Variants in MLF1 observed in about 807,000 individuals in gnomAD.
MLF1 encodes myeloid leukemia factor 1, also known as myelodysplasia-myeloid leukemia factor 1.
A neutral mutation model predicts 38.3 loss-of-function variants in MLF1; 37 were observed. The ratio of observed to expected loss-of-function variants is 0.96; its 90% CI spans 0.74 to 1.27. The LOEUF (loss-of-function observed/expected upper bound fraction) is 1.27. Among genes scored for constraint, MLF1 ranks in the 50% most tolerant of loss-of-function variants. The pLI, the probability that MLF1 is intolerant of heterozygous loss-of-function variation, is 0.00. For missense variants in MLF1, 331 were observed against 349.2 expected (o/e 0.95, Z 0.42); for synonymous variants, 95 against 106.5 (o/e 0.89, Z 0.66).
In MLF1 at chr3:158,593,419, G is replaced by A; in HGVS notation, c.233G>A (p.Gly78Asp). The stretch of plus-strand genomic sequence containing the variant: ...TCTCTTGTGCCTTTTGGCGATTTTG[G>A]TGGTATGGTTCGTATCTTAAGACAC... ...SCSLVPFGDFGGMHTDVSSFQ... is the reference protein window; with the variant it reads ...SCSLVPFGDFDGMHTDVSSFQ... The change falls in exon 3 of 8, where the codon GGT (glycine) becomes GAT (aspartate). Residue 78 changes from glycine to aspartate, a missense_variant. Transcript: ENST00000466246. 5 of 1,561,796 alleles carry A rather than the reference G, an allele frequency of 3.2e-6. No individual in the cohort carries two copies. Among genetic ancestry groups the A allele is most frequent in the Non-Finnish European group, 4.3e-6 (5 of 1,160,042 alleles).
In MLF1 at chr3:158,596,918, C is replaced by G. The variant is rs1174980551; in HGVS notation, c.297C>G (p.Asn99Lys). The change falls in exon 4 of 8, where the codon AAC (asparagine) becomes AAG (lysine). Residue 99 changes from asparagine (N) to lysine (K), a missense_variant. Coordinates refer to ENST00000466246, the MANE Select transcript of MLF1 (RefSeq NM_001369783.1). ...ACCAAATGGTGTCAAATATGAGAAA[C>G]TATATGCAGAAATTAGAAAGAAACT... ...TMDQMVSNMR[N>K]YMQKLERNFG... The G allele has an allele frequency of 4.4e-6, 7 of 1,608,208 alleles. No homozygotes were observed. The highest frequency in any genetic ancestry group is 6.0e-6 in the Non-Finnish European group (7 of 1,176,274).
At chr3:158,571,594 G>A (rs1301919849) in intron 1 of MLF1, among the ~76,000 whole-genome samples, 1 of 133,188 alleles carries the variant, frequency 7.5e-6, no homozygotes, top group Non-Finnish European at 1.6e-5. Context: ...GACGCGTGAG[G>A]TAGGCGGAGG....
chr3:158,589,170 A>G (rs557104551), intron 1 of MLF1, among the ~76,000 whole-genome samples: 2 of 152,290 alleles, frequency 1.3e-5, no homozygotes, highest in African/African-American at 4.8e-5. Flanking sequence ...TTCAAATTCC[A>G]TAAACATTAT....
intron 1 of MLF1, among the ~76,000 whole-genome samples, chr3:158,584,631 G>T (rs1167921944): frequency 3.3e-5 from 5 of 151,468 alleles, no homozygotes; most frequent in African/African-American, 9.7e-5. Flanking sequence ...TGCAAGGAAT[G>T]AAAGGATATT....
At chr3:158,599,534 A>T (rs1280655376) in intron 5 of MLF1, among the ~76,000 whole-genome samples, 1 of 152,210 alleles carries the variant, frequency 6.6e-6, no homozygotes, top group African/African-American at 2.4e-5. Context: ...TTAAATGTAA[A>T]CAGAATATAA....
intron 6 of MLF1, among the ~76,000 whole-genome samples, chr3:158,601,854 G>A (rs1236537138): frequency 7.5e-6 from 1 of 132,740 alleles, no homozygotes; most frequent in Non-Finnish European, 1.5e-5. Flanking sequence ...TGTTGTCCAG[G>A]CTGGAGTGCA....
chr3:158,578,642 A>T (rs377192781), intron 1 of MLF1, among the ~76,000 whole-genome samples: 2 of 152,114 alleles, frequency 1.3e-5, no homozygotes. Context: ...GCCTTGTGAT[A>T]TATGCTGAAG....
chr3:158,592,396 A>G (rs1428368778), intron 1 of MLF1, 38 bp from the exon 2 acceptor site: 1 of 1,562,864 alleles, frequency 6.4e-7, no homozygotes, highest in East Asian at 2.3e-5. Flanking sequence ...TTTAAACTCC[A>G]ACACTGAATC....
intron 1 of MLF1, among the ~76,000 whole-genome samples, chr3:158,586,024 C>T (rs997377854): frequency 6.6e-6 from 1 of 151,904 alleles, no homozygotes; most frequent in Non-Finnish European, 1.5e-5. Flanking sequence ...ATTTGTATGG[C>T]ATAGTGGCAG....
intron 6 of MLF1, among the ~76,000 whole-genome samples, chr3:158,600,511 AT>A (rs1719591040): frequency 6.7e-6 from 1 of 149,016 alleles, no homozygotes; most frequent in African/African-American, 2.5e-5. Context: ...AAAGACAAAA[AT>A]AATCCATAAT....
intron 1 of MLF1, among the ~76,000 whole-genome samples, chr3:158,583,141 A>T (rs1432884306): frequency 1.3e-5 from 2 of 152,208 alleles, no homozygotes; most frequent in African/African-American, 4.8e-5. Context: ...TTGTGTTGCT[A>T]ATTTAAAGCA....
At position 158,588,785 on chromosome 3, in the gene MLF1, A is replaced by G. The variant is rs900329611; in HGVS notation, c.48-3649A>G. ...GCAAAATTTTGAGACCACATTCAGG[A>G]TGGCCTCAATTAAGACATAAGCTTC... On this transcript the variant is annotated intron_variant, in intron 1 of 7. Transcript: ENST00000466246. 3.2e-5 allele frequency: 14 copies of G among 434,792 alleles called. No homozygotes were observed. In the Admixed American group the frequency reaches 3.5e-4, roughly 11 times the overall value. The allele number at this position is 434,792 out of a possible 1,614,324, so 26.9% of individuals were successfully genotyped here.
intron 3 of MLF1, 85 bp downstream of exon 3, chr3:158,593,511 A>G (rs1262767725): frequency 3.7e-6 from 4 of 1,069,116 alleles, no homozygotes; most frequent in Admixed American, 2.3e-5. Flanking sequence ...CTGAATTGGC[A>G]TGCAGCCTCA....
At chr3:158,580,587 T>A (rs1456089093) in intron 1 of MLF1, among the ~76,000 whole-genome samples, 2 of 152,082 alleles carry the variant, frequency 1.3e-5, no homozygotes, top group African/African-American at 4.8e-5. Context: ...TTTTAACAGG[T>A]AGGAAATCTA....
chr3:158,595,382 C>G, intron 3 of MLF1, among the ~76,000 whole-genome samples: 1 of 152,156 alleles, frequency 6.6e-6, no homozygotes, highest in Non-Finnish European at 1.5e-5. Context: ...CTTTTTGTCA[C>G]TCCAGTGTGT....
intron 1 of MLF1, among the ~76,000 whole-genome samples, chr3:158,588,101 A>G (rs1717524870): frequency 6.6e-6 from 1 of 152,240 alleles, no homozygotes; most frequent in Admixed American, 6.5e-5. Flanking sequence ...CATGATGTAA[A>G]GCAGCACTGT....
At chr3:158,587,112 C>T (rs949747962) in intron 1 of MLF1, among the ~76,000 whole-genome samples, 1 of 152,176 alleles carries the variant, frequency 6.6e-6, no homozygotes, top group Non-Finnish European at 1.5e-5. Context: ...TGCTAAAATG[C>T]AGATTAATGG....
chr3:158,582,127 C>T (rs1161518591), intron 1 of MLF1, among the ~76,000 whole-genome samples: 1 of 151,966 alleles, frequency 6.6e-6, no homozygotes, highest in Non-Finnish European at 1.5e-5. Flanking sequence ...TTGCAGTGAG[C>T]TGAGATCGTG....
intron 5 of MLF1, 51 bp from the exon 6 acceptor site, chr3:158,599,963 T>C (rs567491093): frequency 4.1e-4 from 363 of 890,826 alleles, no homozygotes; most frequent in Non-Finnish European, 5.0e-4. Context: ...GGCCCTGAGA[T>C]ATACATTCTA....
Sources: gnomAD v4.1 joint callset for allele counts (sites outside exome capture counted in the v4.1 genomes callset) on GRCh38, gnomAD v4.1.1 for gene constraint, MANE v1.5 for transcripts, NCBI Gene and HGNC (gene_info 2026-07-23, HGNC 2026-07-21) for gene names.